Variants in NREP observed in about 807,000 individuals in gnomAD.
NREP encodes neuronal regeneration-related protein.
NREP carries 5 observed loss-of-function variants against 8.6 expected under a neutral mutation model. That is an observed-to-expected ratio of 0.58 (90% CI 0.30 to 1.22). The LOEUF (loss-of-function observed/expected upper bound fraction) is 1.22. NREP is among the 50% of genes most tolerant of loss of function. The probability of loss-of-function intolerance (pLI) is 0.07; values close to 1 mark genes in which losing one functional copy is unlikely to be tolerated. For synonymous variants in NREP, 27 were observed against 28.0 expected (o/e 0.96, Z 0.11); for missense variants, 86 against 82.5 (o/e 1.04, Z -0.17).
At chr5:111,767,206 T>C (rs1751105300) in intron 2 of NREP, among the ~76,000 whole-genome samples, 1 of 152,216 alleles carries the variant, frequency 6.6e-6, no homozygotes, top group Admixed American at 6.5e-5. Flanking sequence ...AAACTGGATT[T>C]AAGCTTTTAA....
chr5:111,730,816 T>C lies in NREP; in HGVS notation c.*105A>G. On this transcript the variant is annotated 3_prime_UTR_variant, in exon 4 of 4. Coordinates refer to ENST00000257435, the MANE Select transcript of NREP (RefSeq NM_004772.4). ...TAAAGCAAGGCTCAGAGTCCCATAG[T>C]TTCTTCTTATACTTGATGATTTACA... 7.6e-7 allele frequency: 1 copy of C among 1,319,466 alleles called. No individual in the cohort carries two copies. Among genetic ancestry groups the C allele is most frequent in the Non-Finnish European group, 1.0e-6 (1 of 958,732 alleles). The allele number at this position is 1,319,466 out of a possible 1,614,324, so 81.7% of individuals were successfully genotyped here.
chr5:111,966,125 C>A (rs1756638717), intron 2 of NREP, among the ~76,000 whole-genome samples: 1 of 152,130 alleles, frequency 6.6e-6, no homozygotes, highest in Non-Finnish European at 1.5e-5. Context: ...AGATTCAGAT[C>A]TCTCAGGAAA....
chr5:111,759,374 G>A (rs1013659585), upstream of NREP, among the ~76,000 whole-genome samples: 7 of 151,898 alleles, frequency 4.6e-5, no homozygotes, highest in African/African-American at 1.7e-4. Flanking sequence ...ACTTCCCTAA[G>A]ATGTTCTTTC....
intron 2 of NREP, among the ~76,000 whole-genome samples, chr5:111,926,535 A>C (rs1433397716): frequency 2.6e-5 from 4 of 152,058 alleles, no homozygotes; most frequent in African/African-American, 9.7e-5. Context: ...ATTAAAATCA[A>C]GACTTCCCTT....
intron 2 of NREP, among the ~76,000 whole-genome samples, chr5:111,933,454 A>C (rs568506218): frequency 1.3e-5 from 2 of 152,132 alleles, no homozygotes; most frequent in African/African-American, 2.4e-5. Context: ...TTCTAATACT[A>C]TAACAATTGC....
chr5:111,882,648 A>G (rs1466525410), intron 2 of NREP, among the ~76,000 whole-genome samples: 1 of 152,236 alleles, frequency 6.6e-6, no homozygotes, highest in Non-Finnish European at 1.5e-5. Flanking sequence ...GAAACTCTAC[A>G]AGCCAGAAAA....
intron 2 of NREP, among the ~76,000 whole-genome samples, chr5:111,860,020 T>C (rs945657069): frequency 2.6e-5 from 4 of 152,196 alleles, no homozygotes; most frequent in African/African-American, 9.6e-5. Flanking sequence ...TATGATTCTC[T>C]TATTACATGC....
intron 2 of NREP, among the ~76,000 whole-genome samples, chr5:111,873,476 A>G (rs549192507): frequency 6.6e-6 from 1 of 152,258 alleles, no homozygotes; most frequent in South Asian, 2.1e-4. Flanking sequence ...GGTTCATTTC[A>G]TTTGTAGGGG....
At chr5:111,953,794 G>A (rs1581247623) in intron 2 of NREP, among the ~76,000 whole-genome samples, 1 of 152,188 alleles carries the variant, frequency 6.6e-6, no homozygotes, top group Non-Finnish European at 1.5e-5. Context: ...TGAAAGGGGA[G>A]AAGAATCATC....
intron 2 of NREP, among the ~76,000 whole-genome samples, chr5:111,862,249 A>C (rs1020694428): frequency 6.6e-6 from 1 of 152,206 alleles, no homozygotes; most frequent in Non-Finnish European, 1.5e-5. Context: ...AATCATGTAC[A>C]TACATTTCTC....
At chr5:111,741,443 C>T (rs1373683472) in intron 2 of NREP, among the ~76,000 whole-genome samples, 4 of 151,964 alleles carry the variant, frequency 2.6e-5, no homozygotes, top group African/African-American at 7.3e-5. Context: ...CACTCTGTTC[C>T]CAGGTGTTAC....
chr5:111,924,160 A>G (rs946184930), intron 2 of NREP, among the ~76,000 whole-genome samples: 2 of 152,152 alleles, frequency 1.3e-5, no homozygotes, highest in African/African-American at 4.8e-5. Context: ...GGTTTGGCAA[A>G]GCTGGGCCTT....
chr5:111,961,347 A>G (rs963849844), intron 2 of NREP, among the ~76,000 whole-genome samples: 2 of 152,264 alleles, frequency 1.3e-5, no homozygotes, highest in Admixed American at 1.3e-4. Context: ...AATAAGCAGC[A>G]CAAAATGCAG....
At chr5:111,840,078 A>G (rs903003820) in intron 2 of NREP, among the ~76,000 whole-genome samples, 5 of 152,092 alleles carry the variant, frequency 3.3e-5, no homozygotes, top group Admixed American at 2.0e-4. Context: ...GTATAATGAC[A>G]TAAGTTATTT....
At chr5:111,962,726 A>G (rs1756513995) in intron 2 of NREP, among the ~76,000 whole-genome samples, 1 of 152,200 alleles carries the variant, frequency 6.6e-6, no homozygotes, top group Non-Finnish European at 1.5e-5. Context: ...CTGTGCCTAT[A>G]AAGACCCAAG....
chr5:111,975,343 G>T (rs114287919), exon 2 of NREP: 1 of 1,551,474 alleles, frequency 6.4e-7, no homozygotes, highest in Admixed American at 2.0e-5. Context: ...CTGTCATCCT[G>T]CTCCTCTGGG....
At chr5:111,908,735 A>G (rs991758601) in intron 2 of NREP, among the ~76,000 whole-genome samples, 2 of 152,084 alleles carry the variant, frequency 1.3e-5, no homozygotes, top group African/African-American at 2.4e-5. Context: ...TACAATAAAC[A>G]TACACGTGAA....
At chr5:111,823,184 C>T (rs1752548701) in intron 2 of NREP, among the ~76,000 whole-genome samples, 1 of 152,126 alleles carries the variant, frequency 6.6e-6, no homozygotes, top group Non-Finnish European at 1.5e-5. Flanking sequence ...CCAGCTCTCA[C>T]AAGAACTAAT....
intron 2 of NREP, among the ~76,000 whole-genome samples, chr5:111,860,741 G>C (rs1251781665): frequency 6.6e-6 from 1 of 152,152 alleles, no homozygotes; most frequent in Non-Finnish European, 1.5e-5. Flanking sequence ...AAAACTAGCT[G>C]TGTTAGGAAG....
Sources: gnomAD v4.1 joint callset for allele counts (sites outside exome capture counted in the v4.1 genomes callset) on GRCh38, gnomAD v4.1.1 for gene constraint, MANE v1.5 for transcripts, NCBI Gene and HGNC (gene_info 2026-07-23, HGNC 2026-07-21) for gene names.